The following MON2 variants were observed in gnomAD, a reference collection of about 807,000 sequenced individuals.
The protein encoded by MON2 is MON2 regulator of endosome-to-Golgi trafficking.
MON2 carries 84 observed loss-of-function variants against 208.6 expected under a neutral mutation model. The ratio of observed to expected loss-of-function variants is 0.40; its 90% CI spans 0.34 to 0.48. The LOEUF (loss-of-function observed/expected upper bound fraction) is 0.48, where lower values mean the gene tolerates loss of function less well. Among genes scored for constraint, MON2 ranks in the 20% least tolerant of loss-of-function variants. MON2 has a pLI of 0.59. For missense variants in MON2, 1,611 were observed against 2,015.4 expected (o/e 0.80, Z 3.84); for synonymous variants, 660 against 694.0 (o/e 0.95, Z 0.77).
At chr12:62,506,713 G>A (rs2071119163) in intron 7 of MON2, among the ~76,000 whole-genome samples, 1 of 133,626 alleles carries the variant, frequency 7.5e-6, no homozygotes, top group African/African-American at 2.9e-5. Context: ...GTAACAGAGT[G>A]AAACTCCATC....
At chr12:62,480,899 A>C (rs2135987330) in intron 1 of MON2, among the ~76,000 whole-genome samples, 1 of 152,332 alleles carries the variant, frequency 6.6e-6, no homozygotes, top group South Asian at 2.1e-4. Flanking sequence ...ATAGTGAGAA[A>C]GGGGAGAAGT....
intron 8 of MON2, 29 bp downstream of exon 8, chr12:62,508,509 G>GTATA: frequency 1.3e-6 from 2 of 1,588,830 alleles, no homozygotes; most frequent in Non-Finnish European, 1.7e-6. Flanking sequence ...ATGTATTTGT[G>GTATA]TATATAGTTG....
At chr12:62,467,350 TG>T (rs1247986725) in intron 1 of MON2, 32 bp downstream of exon 1, 1 of 1,542,822 alleles carries the variant, frequency 6.5e-7, no homozygotes, top group African/African-American at 1.4e-5. Flanking sequence ...GAGAAGGCAC[TG>T]TGAGCATGCC....
At chr12:62,540,928 GAA>G (rs1313517303) in intron 19 of MON2, among the ~76,000 whole-genome samples, 1 of 152,164 alleles carries the variant, frequency 6.6e-6, no homozygotes, top group Non-Finnish European at 1.5e-5. Context: ...ATTGAAAAAA[GAA>G]TGTTCATCTA....
intron 8 of MON2, among the ~76,000 whole-genome samples, chr12:62,522,038 C>G (rs2072072053): frequency 6.6e-6 from 1 of 152,014 alleles, no homozygotes; most frequent in Non-Finnish European, 1.5e-5. Flanking sequence ...ACTAAAAATA[C>G]AAAAATTAAC....
At chr12:62,468,620 C>G (rs1341326398) in intron 1 of MON2, among the ~76,000 whole-genome samples, 1 of 152,118 alleles carries the variant, frequency 6.6e-6, no homozygotes, top group Non-Finnish European at 1.5e-5. Context: ...AGATGTGCCA[C>G]TTTTGGAAAG....
rs758355270 is a variant in MON2 at position 62,565,253 on chromosome 12, C to T, written c.4049C>T (p.Pro1350Leu). The stretch of plus-strand genomic sequence containing the variant: ...CTTTTATAGGCCATTTGTGTAGGAC[C>T]AGAAAACATGCAGATAATGTATCCA... Reference protein sequence around the residue: ...DVLQKAICVGPENMQIMYPAI... With the variant: ...DVLQKAICVGLENMQIMYPAI... The change falls in exon 27 of 35, where the codon CCA becomes CTA. Residue 1350 changes from proline (P) to leucine (L), a missense_variant. Coordinates refer to ENST00000393630, the MANE Select transcript of MON2 (RefSeq NM_015026.3). 3 of 1,612,322 alleles carry T rather than the reference C, an allele frequency of 1.9e-6. No homozygotes were observed. The South Asian group carries it at 3.3e-5, about 18-fold the overall frequency.
intron 11 of MON2, among the ~76,000 whole-genome samples, chr12:62,530,228 T>TTA (rs1491534145): frequency 1.1e-5 from 1 of 94,914 alleles, no homozygotes; most frequent in African/African-American, 5.7e-5. Flanking sequence ...ATCAGTATAA[T>TTA]TTTTTTTTTT....
chr12:62,494,338 AGAG>A (rs764410955), intron 3 of MON2, among the ~76,000 whole-genome samples: 6 of 152,190 alleles, frequency 3.9e-5, no homozygotes, highest in Admixed American at 6.5e-5. Flanking sequence ...TTTTATAAAA[AGAG>A]GAGGGAAGAG....
intron 24 of MON2, among the ~76,000 whole-genome samples, chr12:62,553,588 AAG>A (rs2073842738): frequency 6.6e-6 from 1 of 152,212 alleles, no homozygotes; most frequent in African/African-American, 2.4e-5. Context: ...ATATAATCAA[AAG>A]AGAATTTTAT....
chr12:62,585,096 CACACACACACACACA>C (rs1160093591), intron 32 of MON2, among the ~76,000 whole-genome samples, 183 bp from the exon 33 acceptor site: 4 of 86,772 alleles, frequency 4.6e-5, no homozygotes, highest in African/African-American at 2.5e-4. Flanking sequence ...CACACACACA[CACACACACACACACA>C]AAACAAAAAA....
intron 13 of MON2, among the ~76,000 whole-genome samples, chr12:62,535,185 C>T (rs2072910490): frequency 1.3e-5 from 2 of 152,094 alleles, no homozygotes. Flanking sequence ...CTTACAACTA[C>T]TTTTGCAATT....
intron 20 of MON2, 161 bp from the exon 21 acceptor site, chr12:62,544,737 C>G: frequency 6.6e-7 from 1 of 1,521,102 alleles, no homozygotes; most frequent in Non-Finnish European, 8.8e-7. Flanking sequence ...TCTTCTGTCT[C>G]TCTATTGCTT....
Position 62,466,904 on chromosome 12 carries a change from A to G in MON2, c.-304A>G, listed in dbSNP as rs2068542864. 1 of 484,772 alleles carries G rather than the reference A, an allele frequency of 2.1e-6. No homozygotes were observed. Among genetic ancestry groups the G allele is most frequent in the Non-Finnish European group, 3.6e-6 (1 of 274,090 alleles). 30.0% of individuals were successfully genotyped at this position (484,772 alleles called of 1,614,324 possible). On this transcript the variant is annotated 5_prime_UTR_variant, in exon 1 of 35. Coordinates refer to ENST00000393630, the MANE Select transcript of MON2 (RefSeq NM_015026.3). The stretch of plus-strand genomic sequence containing the variant: ...GCTTCTTGCCAGGTTGGCTGGTGAC[A>G]CCCGGTGTGGCTGGGCCCCGCGGCA...
chr12:62,525,186 C>G lies in MON2; in HGVS notation c.1212C>G (p.Pro404=). Residue 404 remains proline, a synonymous_variant, in exon 10 of 35, where the codon CCC becomes CCG. Transcript: ENST00000393630. ...GSFIQSLFLV[P]PTGNPATSNQ... is the part of the protein sequence containing the mutation. ...TTATACAGTCCTTGTTTCTTGTCCCCCCTACTGGAAATCCTGCAACAAGCA... is the reference window on the plus strand; with the variant it reads ...TTATACAGTCCTTGTTTCTTGTCCCGCCTACTGGAAATCCTGCAACAAGCA... 6.2e-7 allele frequency: 1 copy of G among 1,613,286 alleles called. No individual in the cohort carries two copies. The highest frequency in any genetic ancestry group is 8.5e-7 in the Non-Finnish European group (1 of 1,179,482).
chr12:62,557,962 ATTTTTTTTTTTTTTTTTTTT>A (rs869193690), intron 25 of MON2, among the ~76,000 whole-genome samples: 2 of 20,868 alleles, frequency 9.6e-5, no homozygotes, highest in African/African-American at 6.5e-4. Flanking sequence ...ATATATATAT[ATTTTTTTTTTTTTTTTTTTT>A]TTTTTTTTTG....
rs749619604 is a variant in MON2, at chr12:62,571,500, C to A, written c.4432C>A (p.Arg1478=). 1 of 1,613,752 alleles carries A rather than the reference C, an allele frequency of 6.2e-7. No homozygotes were observed. The highest frequency in any genetic ancestry group is 1.3e-5 in the African/African-American group (1 of 74,892). ...RVLSIGLPVA[R]QHASSGKFDS... is the part of the protein sequence containing the mutation. ...TCTTTCTATTGGGCTACCTGTTGCC[C>A]GGCAGCATGCTTCTTCTGGAAAATT... is the stretch of plus-strand genomic sequence containing the variant. Residue 1478 remains arginine (R), a synonymous_variant, in exon 30 of 35, where the codon CGG becomes AGG. Transcript: ENST00000393630.
chr12:62,492,905 G>C (rs1438046597), intron 2 of MON2, among the ~76,000 whole-genome samples: 4 of 151,870 alleles, frequency 2.6e-5, no homozygotes, highest in Non-Finnish European at 4.4e-5. Flanking sequence ...CTTGAACCGG[G>C]GAGTCGGAGG....
intron 1 of MON2, among the ~76,000 whole-genome samples, chr12:62,467,799 T>G (rs1205642479): frequency 6.6e-6 from 1 of 152,200 alleles, no homozygotes; most frequent in Non-Finnish European, 1.5e-5. Flanking sequence ...TAATAAACTA[T>G]CCAGAGCCAC....
Sources: allele counts gnomAD v4.1 joint callset (sites outside exome capture counted in the v4.1 genomes callset), GRCh38; gene constraint gnomAD v4.1.1; transcripts MANE v1.5; gene names NCBI Gene and HGNC (gene_info 2026-07-23, HGNC 2026-07-21).